DRICH1: variants seen among roughly 807,000 people sequenced by gnomAD.
DRICH1 encodes aspartate rich 1.
A neutral mutation model predicts 39.5 loss-of-function variants in DRICH1; 38 were observed. The ratio of observed to expected loss-of-function variants is 0.96; its 90% CI spans 0.74 to 1.26. The LOEUF (loss-of-function observed/expected upper bound fraction) is 1.26, where lower values mean the gene tolerates loss of function less well. DRICH1 is among the 50% of genes most tolerant of loss of function. The probability of loss-of-function intolerance (pLI) is 0.00; values close to 1 mark genes in which losing one functional copy is unlikely to be tolerated. For missense variants in DRICH1, 279 were observed against 270.4 expected, an observed-to-expected ratio of 1.03 and a Z score of -0.22; for synonymous variants, 84 against 99.5, an observed-to-expected ratio of 0.84 and a Z score of 0.93.
At chr22:23,602,559 C>G in the DRICH1 span, among the ~76,000 whole-genome samples, 1 of 152,182 alleles carries the variant, frequency 6.6e-6, no homozygotes, top group Non-Finnish European at 1.5e-5. Flanking sequence ...GTGACACACA[C>G]CTGTAATTCC....
intron 2 of DRICH1, among the ~76,000 whole-genome samples, chr22:23,625,442 C>T (rs979298155): frequency 6.6e-6 from 1 of 152,104 alleles, no homozygotes; most frequent in Non-Finnish European, 1.5e-5. Context: ...TGCTGGGCTC[C>T]TGCTTGGATG....
intron 11 of DRICH1, among the ~76,000 whole-genome samples, chr22:23,612,366 C>G (rs906883309): frequency 2.7e-5 from 4 of 149,058 alleles, no homozygotes; most frequent in African/African-American, 1.0e-4. Context: ...ACTCGGGAGG[C>G]TGAGGCACGA....
intron 3 of DRICH1, among the ~76,000 whole-genome samples, chr22:23,624,580 C>T (rs367603629): frequency 2.6e-5 from 4 of 152,162 alleles, no homozygotes; most frequent in Admixed American, 2.0e-4. Flanking sequence ...GTCTTCCCCA[C>T]TAAAGTTCTC....
chr22:23,613,538 A>T, intron 10 of DRICH1, 101 bp downstream of exon 10: 1 of 1,016,946 alleles, frequency 9.8e-7, no homozygotes, highest in East Asian at 2.4e-5. Flanking sequence ...TTTCACGAGA[A>T]CCCCAAGCCT....
intron 10 of DRICH1, 138 bp downstream of exon 10, chr22:23,613,501 G>T: frequency 2.2e-6 from 2 of 895,498 alleles, no homozygotes; most frequent in South Asian, 2.7e-5. Context: ...AGCTTCTCAG[G>T]CCAGAGTTCT....
At chr22:23,627,425 A>G (rs1928136044) in intron 1 of DRICH1, among the ~76,000 whole-genome samples, 1 of 152,174 alleles carries the variant, frequency 6.6e-6, no homozygotes, top group African/African-American at 2.4e-5. Flanking sequence ...GGAGGCACAG[A>G]TATGACTGAG....
At chr22:23,584,734 T>C in the DRICH1 span, among the ~76,000 whole-genome samples, 1 of 152,234 alleles carries the variant, frequency 6.6e-6, no homozygotes, top group Admixed American at 6.5e-5. Flanking sequence ...GATGTTTCTG[T>C]GGCATTATTT....
intron 11 of DRICH1, 144 bp from the exon 12 acceptor site, chr22:23,608,912 A>G: frequency 1.1e-6 from 1 of 889,284 alleles, no homozygotes. Flanking sequence ...ACAGATGCGG[A>G]AACTCATCAG....
intron 4 of DRICH1, among the ~76,000 whole-genome samples, chr22:23,621,268 T>G (rs1333755885): frequency 6.6e-6 from 1 of 151,994 alleles, no homozygotes; most frequent in South Asian, 2.1e-4. Context: ...TAGTCTAAGT[T>G]GAAAGTTTAC....
chr22:23,590,623 G>A, the DRICH1 span, among the ~76,000 whole-genome samples: 16 of 151,864 alleles, frequency 1.1e-4, no homozygotes, highest in South Asian at 3.1e-3. Context: ...TTTTGAGATG[G>A]AGTCTCGTTC....
chr22:23,629,170 C>T (rs924424915), intron 1 of DRICH1, among the ~76,000 whole-genome samples: 3 of 152,156 alleles, frequency 2.0e-5, no homozygotes, highest in African/African-American at 7.2e-5. Flanking sequence ...TCCCGAGTAG[C>T]TGGGATTACA....
chr22:23,589,510 G>A, the DRICH1 span, among the ~76,000 whole-genome samples: 1 of 151,196 alleles, frequency 6.6e-6, no homozygotes, highest in Non-Finnish European at 1.5e-5. Flanking sequence ...ATGTGTGTGT[G>A]TATATATAAA....
chr22:23,589,211 G>A, the DRICH1 span, among the ~76,000 whole-genome samples: 1 of 152,080 alleles, frequency 6.6e-6, no homozygotes, highest in African/African-American at 2.4e-5. Context: ...AGCACTTTGG[G>A]AGGCCAAGGT....
At chr22:23,616,018 A>G (rs1927328278) in intron 8 of DRICH1, among the ~76,000 whole-genome samples, 1 of 152,236 alleles carries the variant, frequency 6.6e-6, no homozygotes, top group South Asian at 2.1e-4. Context: ...AAGACACTGA[A>G]GCTTGTGCAG....
Position 23,622,276 on chromosome 22 carries a change from C to A in DRICH1, c.299-100G>T, listed in dbSNP as rs535618144. 2.3e-4 allele frequency: 241 copies of A among 1,028,368 alleles called. 7 individuals are homozygous for A. In the South Asian group the frequency reaches 2.9e-3, roughly 12 times the overall value. The allele number at this position is 1,028,368 out of a possible 1,614,324, so 63.7% of individuals were successfully genotyped here. ...GTGGTGTATGGAGGTGGTTGATTAA[C>A]AAGCATGGACTGAGTTAATGCTGGG... is the stretch of plus-strand genomic sequence containing the variant. On this transcript the variant is annotated intron_variant, in intron 3 of 11. Coordinates refer to ENST00000317749, the MANE Select transcript of DRICH1 (RefSeq NM_016449.4).
At chr22:23,613,958 C>A (rs17002841) in intron 9 of DRICH1, among the ~76,000 whole-genome samples, 177 bp downstream of exon 9, 7,865 of 152,226 alleles carry the variant, frequency 0.052, 636 homozygotes, top group African/African-American at 0.18. Context: ...TTTAAAAGCA[C>A]CCTAGTGGAC....
At chr22:23,619,686 A>G (rs1927597319) in intron 5 of DRICH1, among the ~76,000 whole-genome samples, 1 of 152,216 alleles carries the variant, frequency 6.6e-6, no homozygotes, top group Admixed American at 6.5e-5. Context: ...GTAAAACTGC[A>G]TATTCTCATT....
At chr22:23,581,046 G>C in the DRICH1 span, 3 of 152,152 alleles carry the variant, frequency 2.0e-5, no homozygotes, top group African/African-American at 7.2e-5. Context: ...ACTGCAAAAT[G>C]ATTAAATCAA....
chr22:23,589,748 C>T, the DRICH1 span, among the ~76,000 whole-genome samples: 1 of 152,224 alleles, frequency 6.6e-6, no homozygotes, highest in Non-Finnish European at 1.5e-5. Context: ...TTTCTACTAC[C>T]CACTGGGTAG....
Sources: gnomAD v4.1 joint callset for allele counts (sites outside exome capture counted in the v4.1 genomes callset) on GRCh38, gnomAD v4.1.1 for gene constraint, MANE v1.5 for transcripts, NCBI Gene and HGNC (gene_info 2026-07-23, HGNC 2026-07-21) for gene names.